Variants in SETD2 observed in about 807,000 individuals in gnomAD.
SETD2 encodes the protein histone-lysine N-methyltransferase SETD2.
SETD2 carries 31 observed loss-of-function variants against 242.1 expected under a neutral mutation model. That is an observed-to-expected ratio of 0.13 (90% CI 0.10 to 0.17). The LOEUF (loss-of-function observed/expected upper bound fraction) is 0.17. Ranked by LOEUF, SETD2 falls within the 10% of genes least tolerant of loss-of-function variation. SETD2 has a pLI of 1.00. For synonymous variants in SETD2, 1,006 were observed against 1,066.5 expected, an observed-to-expected ratio of 0.94 and a Z score of 1.11; for missense variants, 2,481 against 3,046.3, an observed-to-expected ratio of 0.81 and a Z score of 4.37.
intron 16 of SETD2, among the ~76,000 whole-genome samples, chr3:47,045,514 T>C (rs2039480533): frequency 9.0e-6 from 1 of 111,674 alleles, no homozygotes; most frequent in African/African-American, 3.7e-5. Flanking sequence ...CAAGACTCCA[T>C]CTCTTAAAAA....
At chr3:47,147,775 T>C (rs958147684) in intron 1 of SETD2, among the ~76,000 whole-genome samples, 3 of 151,586 alleles carry the variant, frequency 2.0e-5, no homozygotes, top group African/African-American at 7.2e-5. Context: ...CAAAAAAAAT[T>C]AGCCGGGCAA....
At chr3:47,038,559 G>A (rs967954058) in intron 17 of SETD2, among the ~76,000 whole-genome samples, 2 of 152,004 alleles carry the variant, frequency 1.3e-5, no homozygotes, top group South Asian at 4.1e-4. Flanking sequence ...AGGTTGCAGT[G>A]AGCCAAGATC....
At chr3:47,026,514 T>C (rs1160470157) in intron 18 of SETD2, among the ~76,000 whole-genome samples, 1 of 152,174 alleles carries the variant, frequency 6.6e-6, no homozygotes, top group Non-Finnish European at 1.5e-5. Flanking sequence ...CATATTTTTA[T>C]TGCAGCACTC....
intron 18 of SETD2, among the ~76,000 whole-genome samples, chr3:47,021,849 T>A (rs2038233220): frequency 6.6e-6 from 1 of 152,160 alleles, no homozygotes; most frequent in Non-Finnish European, 1.5e-5. Context: ...AAGTCCCATT[T>A]AAAAATTTAG....
intron 2 of SETD2, 126 bp from the exon 3 acceptor site, chr3:47,124,674 C>G (rs2043255806): frequency 1.3e-6 from 1 of 794,858 alleles, no homozygotes; most frequent in South Asian, 2.0e-5. Context: ...ATGAATTTCA[C>G]TAAGCTATAT....
intron 15 of SETD2, among the ~76,000 whole-genome samples, chr3:47,050,966 C>T (rs2039811653): frequency 6.6e-6 from 1 of 151,896 alleles, no homozygotes; most frequent in South Asian, 2.1e-4. Context: ...CTCCTGACCT[C>T]AAGTGATCCC....
intron 1 of SETD2, among the ~76,000 whole-genome samples, chr3:47,162,942 A>G (rs2106862499): frequency 6.6e-6 from 1 of 152,320 alleles, no homozygotes; most frequent in Admixed American, 6.5e-5. Flanking sequence ...CTATTGGGCA[A>G]AACTGTGTGT....
At chr3:47,156,262 T>C (rs1360531278) in intron 1 of SETD2, among the ~76,000 whole-genome samples, 2 of 152,192 alleles carry the variant, frequency 1.3e-5, no homozygotes, top group Admixed American at 1.3e-4. Flanking sequence ...AACTGTAATG[T>C]ATTAAACAAA....
rs72895708 is a variant in SETD2, at chr3:47,121,853, G to C, written c.2783C>G (p.Thr928Arg). The change falls in exon 3 of 21, where the codon ACA becomes AGA. Residue 928 changes from threonine (T) to arginine (R), a missense_variant. This residue lies in a region of SETD2 where 1,300 missense variants were observed against 1,259.2 expected (regional missense o/e 1.03). Coordinates refer to ENST00000409792, the MANE Select transcript of SETD2 (RefSeq NM_014159.7). ...SEFLKHAGKETIVEVGSDLPD... is the reference protein window; with the variant it reads ...SEFLKHAGKERIVEVGSDLPD... ...AAGGTCACTACCTACTTCTACTATT[G>C]TTTCTTTCCCTGCATGCTTTAAAAA... 5.1e-4 allele frequency: 816 copies of C among 1,613,894 alleles called. 5 individuals are homozygous for C. In the African/African-American group the frequency reaches 8.1e-3, roughly 16 times the overall value.
intron 12 of SETD2, among the ~76,000 whole-genome samples, chr3:47,075,128 C>T (rs1402029313): frequency 7.5e-5 from 11 of 146,596 alleles, no homozygotes; most frequent in Non-Finnish European, 1.0e-4. Context: ...AGCGAGACTC[C>T]GTCTCTTAAA....
chr3:47,103,256 C>G (rs989448827), intron 7 of SETD2, 90 bp downstream of exon 7: 26 of 802,586 alleles, frequency 3.2e-5, no homozygotes, highest in Non-Finnish European at 6.4e-6. Context: ...CTAAAAAATT[C>G]ATGAGTACCT....
chr3:47,163,528 G>A (rs1267874505), intron 1 of SETD2: 1 of 157,956 alleles, frequency 6.3e-6, no homozygotes, highest in Non-Finnish European at 1.4e-5. Context: ...AGCCCGAGAG[G>A]ACCGCCGAGC....
At chr3:47,117,586 A>C (rs2042914059) in intron 3 of SETD2, among the ~76,000 whole-genome samples, 1 of 152,240 alleles carries the variant, frequency 6.6e-6, no homozygotes. Context: ...AAAAAATAAG[A>C]GTGAGTTCTA....
Position 47,097,983 on chromosome 3 carries a change from T to C in SETD2, c.5114A>G (p.Lys1705Arg), listed in dbSNP as rs771225429. The C allele has an allele frequency of 5.6e-6, 9 of 1,613,898 alleles. No individual in the cohort carries two copies. The highest frequency in any genetic ancestry group is 1.3e-5 in the African/African-American group (1 of 74,922). Reference protein sequence around the residue: ...VSIRAAGGKMKKERSRKKDSV... With the variant: ...VSIRAAGGKMRKERSRKKDSV... ...ATCCTTCTTACGAGATCGTTCCTTC[T>C]TCATTTTCCCTCCTGCTGCTCTGAT... The change falls in exon 9 of 21, where the codon AAG becomes AGG. Residue 1705 changes from lysine to arginine, a missense_variant. Transcript: ENST00000409792.
intron 18 of SETD2, among the ~76,000 whole-genome samples, chr3:47,032,794 C>A (rs1053113520): frequency 2.6e-5 from 4 of 151,994 alleles, no homozygotes; most frequent in Non-Finnish European, 5.9e-5. Flanking sequence ...TGCCTGTAAT[C>A]CCAGCTACTC....
chr3:47,122,095 A>G lies in SETD2; in HGVS notation c.2541T>C (p.Phe847=), dbSNP rs750799970. The G allele has an allele frequency of 8.1e-6, 13 of 1,613,962 alleles. No individual in the cohort carries two copies. The highest frequency in any genetic ancestry group is 1.6e-4 in the Middle Eastern group (1 of 6,062). Residue 847 remains phenylalanine (F), a synonymous_variant, in exon 3 of 21, where the codon TTT becomes TTC. Coordinates refer to ENST00000409792, the MANE Select transcript of SETD2 (RefSeq NM_014159.7). ...DSRNLTDHSK[F]ACEEYKQSIG... ...TGCTCTGCTTATATTCTTCACATGC[A>G]AATTTTGAGTGATCTGTCAAATTTC... is the stretch of plus-strand genomic sequence containing the variant.
At chr3:47,033,539 G>A (rs1303017613) in intron 18 of SETD2, among the ~76,000 whole-genome samples, 1 of 151,494 alleles carries the variant, frequency 6.6e-6, no homozygotes. Context: ...CAGCTCTTGA[G>A]TATAGAGAAG....
Position 47,121,647 on chromosome 3 carries a change from C to T in SETD2, c.2989G>A (p.Glu997Lys), listed in dbSNP as rs2106656650. ...GGHVHTSDDS[E>K]VVFSSCDLNL... Reference sequence around the variant, plus strand: ...AAATCACAAGAAGAAAATACAACTTCTGAGTCATCAGAAGTATGCACATGT... The same window carrying T: ...AAATCACAAGAAGAAAATACAACTTTTGAGTCATCAGAAGTATGCACATGT... The change falls in exon 3 of 21, where the codon GAA (glutamate) becomes AAA (lysine). Residue 997 changes from glutamate (E) to lysine (K), a missense_variant. By Grantham distance (56) the Glu-to-Lys change is moderately conservative. Transcript: ENST00000409792. 1.9e-6 allele frequency: 3 copies of T among 1,614,108 alleles called. No homozygotes were observed. Among genetic ancestry groups the T allele is most frequent in the Non-Finnish European group, 1.7e-6 (2 of 1,179,986 alleles).
intron 15 of SETD2, among the ~76,000 whole-genome samples, chr3:47,049,362 T>C (rs2107556392): frequency 8.0e-6 from 1 of 125,286 alleles, no homozygotes; most frequent in East Asian, 2.3e-4. Context: ...TTCTTATATA[T>C]ATAAACTTAT....
Sources: gnomAD v4.1 joint callset for allele counts (sites outside exome capture counted in the v4.1 genomes callset) on GRCh38, gnomAD v4.1.1 for gene constraint, gnomAD v4.1.1 regional missense constraint, MANE v1.5 for transcripts, NCBI Gene and HGNC (gene_info 2026-07-23, HGNC 2026-07-21) for gene names.